The following METTL24 variants were observed in gnomAD, a reference collection of about 807,000 sequenced individuals.
METTL24 encodes the protein probable methyltransferase-like protein 24.
A neutral mutation model predicts 32.7 loss-of-function variants in METTL24; 29 were observed. The observed-to-expected ratio is 0.89, with a 90% CI of 0.66 to 1.21. The LOEUF is 1.21. Among genes scored for constraint, METTL24 ranks in the 50% most tolerant of loss-of-function variants. The pLI, the probability that METTL24 is intolerant of heterozygous loss-of-function variation, is 0.00. For missense variants in METTL24, 439 were observed against 468.1 expected (o/e 0.94, Z 0.57); for synonymous variants, 163 against 179.5 (o/e 0.91, Z 0.73).
chr6:110,267,286 C>T (rs185030779), intron 4 of METTL24, among the ~76,000 whole-genome samples: 2 of 152,190 alleles, frequency 1.3e-5, no homozygotes, highest in East Asian at 3.9e-4. Flanking sequence ...GAAAGAAAAA[C>T]CTGCAAGAAA....
chr6:110,276,491 G>A (rs938032429), intron 4 of METTL24, among the ~76,000 whole-genome samples: 3 of 152,102 alleles, frequency 2.0e-5, no homozygotes, highest in Admixed American at 1.3e-4. Context: ...CTTGTACTCT[G>A]TCAAGAATAA....
intron 4 of METTL24, among the ~76,000 whole-genome samples, chr6:110,291,324 T>C (rs1253119129): frequency 6.6e-6 from 1 of 152,208 alleles, no homozygotes; most frequent in Admixed American, 6.5e-5. Context: ...TTTATAATTT[T>C]AGCTTTTATG....
chr6:110,298,965 G>C lies in METTL24; in HGVS notation c.743C>G (p.Thr248Ser). 1 of 1,614,104 alleles carries C rather than the reference G, an allele frequency of 6.2e-7. No individual in the cohort carries two copies. The highest frequency in any genetic ancestry group is 8.5e-7 in the Non-Finnish European group (1 of 1,180,030). The change falls in exon 4 of 5, where the codon ACC becomes AGC. Residue 248 changes from threonine (T) to serine (S), a missense_variant. Thr to Ser is a moderately conservative substitution (Grantham distance 58, BLOSUM62 1). Coordinates refer to ENST00000338882, the MANE Select transcript of METTL24 (RefSeq NM_001123364.3). The stretch of plus-strand genomic sequence containing the variant: ...ATTCAAAATGCTTCCCAGTTTTCTG[G>C]TGTTGCTATGTGGTTTTTGGGCAGC... ...AVAAQKPHSN[T>S]RKLGSILNEF...
intron 1 of METTL24, among the ~76,000 whole-genome samples, chr6:110,346,505 T>TC (rs1491197723): frequency 1.6e-3 from 5 of 3,108 alleles, no homozygotes; most frequent in East Asian, 6.3e-3. Context: ...TCTCTCTCTC[T>TC]TTTTTTTTTT....
At chr6:110,281,413 C>T (rs1373306151) in intron 4 of METTL24, among the ~76,000 whole-genome samples, 2 of 151,892 alleles carry the variant, frequency 1.3e-5, no homozygotes, top group East Asian at 1.9e-4. Flanking sequence ...GAGGCCGAGG[C>T]GGGTGGATCA....
chr6:110,286,157 T>A (rs975414695), intron 4 of METTL24, among the ~76,000 whole-genome samples: 1 of 152,048 alleles, frequency 6.6e-6, no homozygotes, highest in African/African-American at 2.4e-5. Flanking sequence ...ATCGACTGGG[T>A]GGGGAGAGAG....
At chr6:110,350,521 T>G (rs1772573728) in intron 1 of METTL24, among the ~76,000 whole-genome samples, 2 of 151,650 alleles carry the variant, frequency 1.3e-5, no homozygotes, top group South Asian at 4.2e-4. Flanking sequence ...GCAAGGTAAC[T>G]ATGCATGACA....
intron 3 of METTL24, among the ~76,000 whole-genome samples, chr6:110,309,943 A>G (rs1447233650): frequency 1.3e-5 from 2 of 152,222 alleles, no homozygotes; most frequent in Non-Finnish European, 2.9e-5. Flanking sequence ...ATATGCACGT[A>G]TTACATAAAT....
intron 1 of METTL24, among the ~76,000 whole-genome samples, chr6:110,344,180 T>C (rs1772421644): frequency 6.6e-6 from 1 of 152,180 alleles, no homozygotes; most frequent in Non-Finnish European, 1.5e-5. Flanking sequence ...TGCATGACAA[T>C]GGACTCATGA....
chr6:110,303,669 G>A (rs951813646), intron 3 of METTL24, among the ~76,000 whole-genome samples: 3 of 152,184 alleles, frequency 2.0e-5, no homozygotes, highest in African/African-American at 4.8e-5. Flanking sequence ...CCCCACTCAG[G>A]GGCTTATAGA....
At chr6:110,257,743 C>A (rs567397229) in intron 4 of METTL24, among the ~76,000 whole-genome samples, 1 of 152,350 alleles carries the variant, frequency 6.6e-6, no homozygotes, top group African/African-American at 2.4e-5. Flanking sequence ...ATGGTGTATG[C>A]GCACAGCACT....
At chr6:110,302,461 A>C (rs1444902384) in intron 3 of METTL24, among the ~76,000 whole-genome samples, 2 of 93,920 alleles carry the variant, frequency 2.1e-5, no homozygotes, top group Non-Finnish European at 4.2e-5. Context: ...ATATACACAC[A>C]TATGTGTATA....
chr6:110,263,807 A>G (rs544032125), intron 4 of METTL24, among the ~76,000 whole-genome samples: 1 of 152,358 alleles, frequency 6.6e-6, no homozygotes, highest in Admixed American at 6.5e-5. Context: ...AGCCCTCAGA[A>G]ATAATGCCAC....
intron 1 of METTL24, among the ~76,000 whole-genome samples, chr6:110,333,164 G>T: frequency 6.6e-6 from 1 of 152,114 alleles, no homozygotes; most frequent in Non-Finnish European, 1.5e-5. Context: ...ACTTACTTCA[G>T]TCAGTTACCC....
chr6:110,295,098 C>T (rs975725224), intron 4 of METTL24, among the ~76,000 whole-genome samples: 1 of 140,180 alleles, frequency 7.1e-6, no homozygotes, highest in Non-Finnish European at 1.5e-5. Context: ...TCATGGCTCA[C>T]TGCAGCCTCC....
intron 4 of METTL24, among the ~76,000 whole-genome samples, chr6:110,277,666 T>A (rs1258419621): frequency 6.6e-6 from 1 of 152,228 alleles, no homozygotes; most frequent in Non-Finnish European, 1.5e-5. Context: ...GTTCCTTTAA[T>A]ATGTCTGGCT....
chr6:110,262,189 GA>G (rs1161170132), intron 4 of METTL24, among the ~76,000 whole-genome samples: 1 of 152,000 alleles, frequency 6.6e-6, no homozygotes, highest in Admixed American at 6.6e-5. Context: ...CTGGTTTTTT[GA>G]AAAGATCAAC....
chr6:110,313,904 C>A (rs1448153078), intron 3 of METTL24, among the ~76,000 whole-genome samples: 1 of 152,214 alleles, frequency 6.6e-6, no homozygotes, highest in Non-Finnish European at 1.5e-5. Flanking sequence ...CCAAGCTCCA[C>A]CAATATACAC....
At chr6:110,312,516 TA>T (rs954977376) in intron 3 of METTL24, among the ~76,000 whole-genome samples, 3 of 152,038 alleles carry the variant, frequency 2.0e-5, no homozygotes, top group South Asian at 2.1e-4. Flanking sequence ...TATTTGGCCA[TA>T]AAAAAAGAAT....
Sources: gnomAD v4.1 joint callset for allele counts (sites outside exome capture counted in the v4.1 genomes callset) on GRCh38, gnomAD v4.1.1 for gene constraint, MANE v1.5 for transcripts, NCBI Gene and HGNC (gene_info 2026-07-23, HGNC 2026-07-21) for gene names.